AGBL4: variants seen among roughly 807,000 people sequenced by gnomAD.
The protein encoded by AGBL4 is AGBL carboxypeptidase 4, also known as cytosolic carboxypeptidase 6.
In AGBL4, 58 loss-of-function variants were observed where a neutral mutation model predicts 66.4. The observed-to-expected ratio is 0.87, with a 90% CI of 0.71 to 1.09. The LOEUF (loss-of-function observed/expected upper bound fraction) is 1.09. AGBL4 is among the 50% of genes least tolerant of loss of function. The pLI, the probability that AGBL4 is intolerant of heterozygous loss-of-function variation, is 0.00. For missense variants in AGBL4, 579 were observed against 631.0 expected, an observed-to-expected ratio of 0.92 and a Z score of 0.88; for synonymous variants, 234 against 222.9, an observed-to-expected ratio of 1.05 and a Z score of -0.44.
chr1:49,213,666 C>T (rs1289122760), intron 4 of AGBL4, among the ~76,000 whole-genome samples: 4 of 152,074 alleles, frequency 2.6e-5, no homozygotes, highest in Non-Finnish European at 5.9e-5. Flanking sequence ...TATAAATTAG[C>T]CACCTTCAGA....
intron 6 of AGBL4, among the ~76,000 whole-genome samples, chr1:48,801,540 A>G (rs1028720805): frequency 1.2e-4 from 19 of 152,106 alleles, no homozygotes; most frequent in Admixed American, 2.0e-4. Context: ...GGCTTTTCCC[A>G]TAGTTTTTTC....
At chr1:49,169,974 ACT>A (rs1196651905) in intron 4 of AGBL4, among the ~76,000 whole-genome samples, 1 of 151,950 alleles carries the variant, frequency 6.6e-6, no homozygotes, top group African/African-American at 2.4e-5. Flanking sequence ...GATTTTGGAG[ACT>A]CAGAAGGGGG....
chr1:49,389,169 C>G (rs1436532732), intron 3 of AGBL4, among the ~76,000 whole-genome samples: 1 of 152,036 alleles, frequency 6.6e-6, no homozygotes, highest in African/African-American at 2.4e-5. Context: ...TTACCTCCTT[C>G]CTTCAGCTAA....
intron 5 of AGBL4, among the ~76,000 whole-genome samples, chr1:48,966,021 T>C (rs1296343329): frequency 1.3e-5 from 2 of 152,168 alleles, no homozygotes; most frequent in Admixed American, 1.3e-4. Context: ...TGTTTTCATC[T>C]CAGACAAGTT....
chr1:49,736,440 C>G (rs923979205), intron 2 of AGBL4, among the ~76,000 whole-genome samples: 1 of 151,908 alleles, frequency 6.6e-6, no homozygotes, highest in Non-Finnish European at 1.5e-5. Context: ...AAAGAAATTT[C>G]AGAAAATTCA....
intron 1 of AGBL4, among the ~76,000 whole-genome samples, chr1:50,018,473 T>C (rs1662159835): frequency 1.3e-5 from 2 of 152,130 alleles, no homozygotes; most frequent in African/African-American, 4.8e-5. Context: ...AATTTTTCCT[T>C]AAATCTGTAT....
intron 3 of AGBL4, among the ~76,000 whole-genome samples, chr1:49,334,934 G>A (rs761452080): frequency 6.6e-6 from 1 of 152,186 alleles, no homozygotes; most frequent in Non-Finnish European, 1.5e-5. Context: ...AGCTAGGGAA[G>A]GCTTGGAGTT....
intron 4 of AGBL4, among the ~76,000 whole-genome samples, chr1:49,112,631 C>A (rs1195166734): frequency 1.1e-4 from 16 of 152,186 alleles, no homozygotes; most frequent in Non-Finnish European, 1.5e-5. Context: ...TCAAAAGTAG[C>A]TTTGATGTGA....
chr1:49,956,707 A>G (rs1272055005), intron 1 of AGBL4, among the ~76,000 whole-genome samples: 2 of 151,986 alleles, frequency 1.3e-5, no homozygotes, highest in African/African-American at 2.4e-5. Flanking sequence ...GTCTTCAAAT[A>G]GTGTTTCATG....
chr1:48,580,123 G>A (rs557645281), intron 11 of AGBL4, among the ~76,000 whole-genome samples: 24 of 152,260 alleles, frequency 1.6e-4, no homozygotes, highest in South Asian at 8.3e-4. Flanking sequence ...CTTCAGACAT[G>A]AGAGCCAGTG....
rs569748797 is a variant in AGBL4 at position 48,736,209 on chromosome 1, C to T, written c.635-72968G>A. 6.3e-7 allele frequency: 1 copy of T among 1,589,500 alleles called. No individual in the cohort carries two copies. Among genetic ancestry groups the T allele is most frequent in the East Asian group, 2.2e-5 (1 of 44,762 alleles). ...CTTGACAGAGTAAAAGACAGAATCC[C>T]AGCCATTGTGTTTCCACTCAGTGAC... On this transcript the variant is annotated intron_variant, in intron 6 of 13. Transcript: ENST00000371839. This position sits in a 1 kb window ranked among gnomAD's most constrained non-coding sequence, Gnocchi z 4.0.
intron 6 of AGBL4, among the ~76,000 whole-genome samples, chr1:48,752,315 G>C (rs776423502): frequency 1.8e-4 from 27 of 152,192 alleles, no homozygotes; most frequent in Admixed American, 1.2e-3. Flanking sequence ...GCAAAGAGAA[G>C]ACTGAGCCAC....
intron 5 of AGBL4, among the ~76,000 whole-genome samples, chr1:48,872,719 C>G (rs954588993): frequency 8.5e-5 from 13 of 152,136 alleles, no homozygotes; most frequent in Non-Finnish European, 1.5e-4. Context: ...GTGCTGGATT[C>G]AAAATCAGAC....
In AGBL4 at chr1:49,981,048, A is replaced by C. The variant is rs145705519; in HGVS notation, c.34+42715T>G. ...GTATTACATAAACTATTTAATTACT[A>C]ATATGAAAGAAGGCCACTTATGAAG... On this transcript the variant is annotated intron_variant, in intron 1 of 13. Transcript: ENST00000371839. 4.0e-4 allele frequency among the ~76,000 whole-genome samples: 61 copies of C among 152,296 alleles called. 3 individuals carry two copies. In the South Asian group the frequency reaches 0.01, roughly 26 times the overall value.
intron 3 of AGBL4, among the ~76,000 whole-genome samples, chr1:49,354,772 G>A (rs1643984521): frequency 6.6e-6 from 1 of 152,022 alleles, no homozygotes; most frequent in Non-Finnish European, 1.5e-5. Flanking sequence ...TCTAAATAAC[G>A]ACTCAAAATA....
chr1:49,164,493 G>A (rs1646597378), intron 4 of AGBL4, among the ~76,000 whole-genome samples: 1 of 152,092 alleles, frequency 6.6e-6, no homozygotes, highest in African/African-American at 2.4e-5. Flanking sequence ...ACAAGCAACT[G>A]TAATCTTAGA....
intron 2 of AGBL4, among the ~76,000 whole-genome samples, chr1:49,797,642 G>T (rs759782523): frequency 1.3e-5 from 2 of 152,074 alleles, no homozygotes; most frequent in Non-Finnish European, 2.9e-5. Flanking sequence ...TTAGGGTCTC[G>T]CTATGTTGCC....
At chr1:49,711,497 G>A (rs1647662824) in intron 2 of AGBL4, among the ~76,000 whole-genome samples, 1 of 152,020 alleles carries the variant, frequency 6.6e-6, no homozygotes, top group African/African-American at 2.4e-5. Flanking sequence ...GGTACATAAT[G>A]AATTCCATTT....
At chr1:49,989,851 T>C (rs981762261) in intron 1 of AGBL4, among the ~76,000 whole-genome samples, 5 of 152,204 alleles carry the variant, frequency 3.3e-5, no homozygotes, top group Non-Finnish European at 4.4e-5. Context: ...CCACAGATCT[T>C]ACAGTAGCTG....
Sources: gnomAD v4.1 joint callset for allele counts (sites outside exome capture counted in the v4.1 genomes callset) on GRCh38, gnomAD v4.1.1 for gene constraint, Gnocchi (gnomAD v3.1) non-coding constraint, MANE v1.5 for transcripts, NCBI Gene and HGNC (gene_info 2026-07-23, HGNC 2026-07-21) for gene names.